The following DNAJC8 variants were observed in gnomAD, a reference collection of about 807,000 sequenced individuals.
DNAJC8 encodes DnaJ heat shock protein family (Hsp40) member C8.
Under a neutral mutation model 43.2 loss-of-function variants are expected in DNAJC8, and 24 were observed. That is an observed-to-expected ratio of 0.56 (90% confidence interval 0.40 to 0.78). The LOEUF (loss-of-function observed/expected upper bound fraction) is 0.78, where lower values mean the gene tolerates loss of function less well. Among genes scored for constraint, DNAJC8 ranks in the 30% least tolerant of loss-of-function variants. DNAJC8 has a pLI of 0.00. For missense variants in DNAJC8, 207 were observed against 299.4 expected (o/e 0.69, Z 2.28); for synonymous variants, 83 against 98.0 (o/e 0.85, Z 0.90).
chr1:28,214,885 G>C, intron 3 of DNAJC8, 55 bp downstream of exon 3: 2 of 1,471,794 alleles, frequency 1.4e-6, no homozygotes, highest in Non-Finnish European at 1.8e-6. Context: ...AGTGATAAAA[G>C]AATCATGTGC....
intron 6 of DNAJC8, among the ~76,000 whole-genome samples, chr1:28,206,510 G>A (rs550772632): frequency 1.6e-4 from 25 of 152,212 alleles, no homozygotes; most frequent in African/African-American, 6.0e-4. Context: ...TATTCCAGCC[G>A]GGGTGACAAA....
intron 2 of DNAJC8, among the ~76,000 whole-genome samples, chr1:28,223,390 A>C (rs1646912166): frequency 6.6e-6 from 1 of 152,092 alleles, no homozygotes; most frequent in South Asian, 2.1e-4. Context: ...AAAGCCAGAG[A>C]GCCACATGGA....
chr1:28,212,474 G>T lies in DNAJC8; in HGVS notation c.238-1837C>A, dbSNP rs565057145. Among the ~76,000 whole-genome samples the T allele has an allele frequency of 2.1e-4, 31 of 150,902 alleles. No individual in the cohort carries two copies. In the South Asian group the frequency reaches 6.3e-3, roughly 31 times the overall value. ...GTTTTTCGTTTTTTGTAGAGACGGG[G>T]TTTCACCATGTTGCCCAGGCTGGTC... is the stretch of plus-strand genomic sequence containing the variant. On this transcript the variant is annotated intron_variant, in intron 3 of 8. Transcript: ENST00000263697.
At chr1:28,217,346 C>G (rs1029753224) in intron 2 of DNAJC8, among the ~76,000 whole-genome samples, 2 of 151,968 alleles carry the variant, frequency 1.3e-5, no homozygotes, top group African/African-American at 2.4e-5. Flanking sequence ...CCTGGCCAGG[C>G]ACAGTGGCTC....
Position 28,201,068 on chromosome 1 carries a change from G to T in DNAJC8, c.*180C>A. The T allele has an allele frequency of 1.1e-6, 1 of 911,196 alleles. No homozygotes were observed. Among genetic ancestry groups the T allele is most frequent in the Non-Finnish European group, 1.6e-6 (1 of 621,058 alleles). The allele number at this position is 911,196 out of a possible 1,614,324, so 56.4% of individuals were successfully genotyped here. The stretch of plus-strand genomic sequence containing the variant: ...AGGGAAAGGTCTTTTTTTAAACCAA[G>T]CCCCTCATTTCAATGTACAAAAGAA... On this transcript the variant is annotated 3_prime_UTR_variant, in exon 9 of 9. Transcript: ENST00000263697.
chr1:28,221,859 A>G (rs1557711980), intron 2 of DNAJC8, among the ~76,000 whole-genome samples: 1 of 152,236 alleles, frequency 6.6e-6, no homozygotes, highest in Non-Finnish European at 1.5e-5. Context: ...CAGCGGATGA[A>G]TGAATAGGCA....
intron 2 of DNAJC8, among the ~76,000 whole-genome samples, chr1:28,215,833 A>C (rs1025060049): frequency 2.0e-5 from 3 of 149,674 alleles, no homozygotes; most frequent in Non-Finnish European, 4.4e-5. Context: ...CACCGCGCCC[A>C]GCCTTAAGCA....
chr1:28,201,447 A>T (rs1572057810), intron 8 of DNAJC8, 77 bp from the exon 9 acceptor site: 1 of 1,594,724 alleles, frequency 6.3e-7, no homozygotes, highest in East Asian at 2.2e-5. Flanking sequence ...CCATCCACTC[A>T]CCCTCCTGTA....
chr1:28,213,915 T>C lies in DNAJC8; in HGVS notation c.237+1025A>G, dbSNP rs1319122961. ...CCTGTAGTCCCAGCTACTGGGGAGG[T>C]TGAGGAGGGAGGATTGCTTAAACTC... On this transcript the variant is annotated intron_variant, in intron 3 of 8. Transcript: ENST00000263697. 4.0e-5 allele frequency among the ~76,000 whole-genome samples: 6 copies of C among 151,582 alleles called. No individual in the cohort carries two copies. The South Asian group carries it at 6.2e-4, about 16-fold the overall frequency.
chr1:28,215,630 G>C (rs577246443), intron 2 of DNAJC8, among the ~76,000 whole-genome samples: 5 of 150,996 alleles, frequency 3.3e-5, no homozygotes, highest in East Asian at 3.9e-4. Flanking sequence ...CTCCACCTCC[G>C]CGGTTCAAGC....
chr1:28,223,229 G>A (rs911169134), intron 2 of DNAJC8, among the ~76,000 whole-genome samples: 6 of 152,180 alleles, frequency 3.9e-5, no homozygotes, highest in Non-Finnish European at 7.3e-5. Flanking sequence ...AGTAAGAGGA[G>A]AAAGGTGTTC....
In DNAJC8 at chr1:28,209,496, C is replaced by A. The variant is rs371481840; in HGVS notation, c.399+476G>T. Among the ~76,000 whole-genome samples the A allele has an allele frequency of 7.9e-5, 12 of 152,336 alleles. No individual in the cohort carries two copies. The East Asian group carries it at 2.3e-3, about 29-fold the overall frequency. ...CCAGCTACAACTCAGTTTCCTTCAA[C>A]TGAGTTCTTCCCAACTCTGTTATTA... is the stretch of plus-strand genomic sequence containing the variant. On this transcript the variant is annotated intron_variant, in intron 5 of 8. Coordinates refer to ENST00000263697, the MANE Select transcript of DNAJC8 (RefSeq NM_014280.3).
intron 2 of DNAJC8, among the ~76,000 whole-genome samples, chr1:28,227,418 A>AT (rs1646944146): frequency 6.7e-6 from 1 of 149,646 alleles, no homozygotes; most frequent in African/African-American, 2.5e-5. Context: ...AAAAAAAAAA[A>AT]AAAAAAAGCA....
intron 4 of DNAJC8, chr1:28,210,285 AT>A: frequency 1.7e-6 from 1 of 571,540 alleles, no homozygotes; most frequent in Non-Finnish European, 3.1e-6. Context: ...AATACACTAC[AT>A]CTGGATTTAA....
At chr1:28,203,541 A>G (rs1228308711) in intron 8 of DNAJC8, among the ~76,000 whole-genome samples, 3 of 152,222 alleles carry the variant, frequency 2.0e-5, no homozygotes, top group Non-Finnish European at 2.9e-5. Context: ...TAAATTTTAA[A>G]AAAGCCATTC....
chr1:28,232,983 C>G lies in DNAJC8; in HGVS notation c.16G>C (p.Glu6Gln). Residue 6 changes from glutamate to glutamine, a missense_variant, in exon 1 of 9, where the codon GAG becomes CAG. Transcript: ENST00000263697. Reference sequence around the variant, plus strand: ...CCTCCGCCGCCTGAAGTCCCGCTCTCTCCTGAAGCCGCCATTTCCCCGGCC... The same window carrying G: ...CCTCCGCCGCCTGAAGTCCCGCTCTGTCCTGAAGCCGCCATTTCCCCGGCC... MAASGESGTSGGGGST... is the reference protein window; with the variant it reads MAASGQSGTSGGGGST... The G allele has an allele frequency of 1.2e-6, 2 of 1,612,678 alleles. No individual in the cohort carries two copies. Among genetic ancestry groups the G allele is most frequent in the South Asian group, 2.2e-5 (2 of 91,084 alleles).
At chr1:28,217,805 T>C (rs1300708868) in intron 2 of DNAJC8, among the ~76,000 whole-genome samples, 1 of 152,058 alleles carries the variant, frequency 6.6e-6, no homozygotes, top group Non-Finnish European at 1.5e-5. Flanking sequence ...ATGTAATTCA[T>C]AAACCCTGAT....
intron 3 of DNAJC8, among the ~76,000 whole-genome samples, chr1:28,212,162 TAAATAA>T (rs1646814868): frequency 9.2e-5 from 2 of 21,854 alleles, no homozygotes; most frequent in South Asian, 1.3e-3. Flanking sequence ...TCTCAATAAA[TAAATAA>T]ATATATATAT....
rs1185119611 is a variant in DNAJC8, at chr1:28,212,620, T to TA, written c.238-1984dup. ...TATAAAATTTTTATAATAAACCAGC[T>TA]AAAAAAAAAAGAACTTTCATAGGTA... On this transcript the variant is annotated intron_variant, in intron 3 of 8. Transcript: ENST00000263697. Among the ~76,000 whole-genome samples the TA allele has an allele frequency of 4.6e-3, 675 of 145,842 alleles. 7 individuals carry two copies. Among genetic ancestry groups the TA allele is most frequent in the African/African-American group, 0.016 (625 of 39,824 alleles).
Sources: allele counts gnomAD v4.1 joint callset (sites outside exome capture counted in the v4.1 genomes callset), GRCh38; gene constraint gnomAD v4.1.1; transcripts MANE v1.5; gene names NCBI Gene and HGNC (gene_info 2026-07-23, HGNC 2026-07-21).